VPS13D: variants seen among roughly 807,000 people sequenced by gnomAD.
The protein encoded by VPS13D is vacuolar protein sorting 13 homolog D.
Under a neutral mutation model 461.9 loss-of-function variants are expected in VPS13D, and 187 were observed. The observed-to-expected ratio is 0.40, with a 90% CI of 0.36 to 0.46. The LOEUF is 0.46. Ranked by LOEUF, VPS13D falls within the 20% of genes least tolerant of loss-of-function variation. The pLI is 0.60. For missense variants in VPS13D, 4,711 were observed against 5,364.9 expected, an observed-to-expected ratio of 0.88 and a Z score of 3.81; for synonymous variants, 1,951 against 1,986.3, an observed-to-expected ratio of 0.98 and a Z score of 0.47.
chr1:12,480,617 C>T (rs549270207), intron 67 of VPS13D, among the ~76,000 whole-genome samples: 1 of 152,258 alleles, frequency 6.6e-6, no homozygotes, highest in Admixed American at 6.5e-5. Flanking sequence ...AATGGAGTAC[C>T]TGTTTGAGGG....
At chr1:12,273,678 C>T (rs994262573) in intron 18 of VPS13D, among the ~76,000 whole-genome samples, 3 of 152,100 alleles carry the variant, frequency 2.0e-5, no homozygotes, top group South Asian at 2.1e-4. Context: ...CTGGCTTTTT[C>T]GTTTAGCATG....
rs921210083 is a variant in VPS13D, at chr1:12,318,354, G to A, written c.7414+17G>A. ...ATGTAACAGGTGATTATATGTGGGT[G>A]TGATTCATTGGTGCTTAGTTTGGAT... On this transcript the variant is annotated intron_variant, in intron 31 of 69. Transcript: ENST00000620676. 3.8e-6 allele frequency: 6 copies of A among 1,596,604 alleles called. No homozygotes were observed. The highest frequency in any genetic ancestry group is 4.3e-6 in the Non-Finnish European group (5 of 1,167,360).
Position 12,290,678 on chromosome 1 carries a change from G to A in VPS13D, c.5726-320G>A, listed in dbSNP as rs368873028. On this transcript the variant is annotated intron_variant, in intron 22 of 69. Coordinates refer to ENST00000620676, the MANE Select transcript of VPS13D (RefSeq NM_015378.4). Reference sequence around the variant, plus strand: ...GCAGAACTTGCAGTGACCCCAGATCGCGCCACTGTACTCCAGCCTGGGCGA... The same window carrying A: ...GCAGAACTTGCAGTGACCCCAGATCACGCCACTGTACTCCAGCCTGGGCGA... Among the ~76,000 whole-genome samples, 48 of 150,824 alleles carry A rather than the reference G, an allele frequency of 3.2e-4. 3 individuals carry two copies. The highest frequency in any genetic ancestry group is 2.2e-3 in the Admixed American group (34 of 15,174).
At chr1:12,446,002 A>G (rs138080789) in intron 65 of VPS13D, among the ~76,000 whole-genome samples, 32 of 152,326 alleles carry the variant, frequency 2.1e-4, no homozygotes, top group African/African-American at 7.5e-4. Flanking sequence ...AGCTTTCCCA[A>G]AATGCAGGTC....
intron 1 of VPS13D, among the ~76,000 whole-genome samples, chr1:12,233,673 G>A (rs992193095): frequency 6.6e-6 from 1 of 152,216 alleles, no homozygotes; most frequent in Non-Finnish European, 1.5e-5. Flanking sequence ...ATTCCCTGAA[G>A]CAGCATCAGA....
intron 25 of VPS13D, among the ~76,000 whole-genome samples, chr1:12,304,223 T>G (rs978609022): frequency 2.6e-5 from 4 of 152,260 alleles, no homozygotes; most frequent in African/African-American, 9.6e-5. Flanking sequence ...ATCTTCACAT[T>G]TGCTCTTGAG....
chr1:12,361,395 A>ATTTTTTTT (rs796776170), intron 50 of VPS13D, among the ~76,000 whole-genome samples: 8 of 133,368 alleles, frequency 6.0e-5, no homozygotes, highest in African/African-American at 2.1e-4. Flanking sequence ...TTATTTATTT[A>ATTTTTTTT]TTTATTTATT....
At chr1:12,393,584 C>T (rs117724710) in intron 60 of VPS13D, among the ~76,000 whole-genome samples, 3,593 of 152,316 alleles carry the variant, frequency 0.024, 119 homozygotes, top group Admixed American at 0.1. Context: ...GTCTTCTGCA[C>T]GGGCCAAATG....
intron 65 of VPS13D, among the ~76,000 whole-genome samples, chr1:12,455,408 C>T (rs1247421235): frequency 6.6e-6 from 1 of 152,198 alleles, no homozygotes; most frequent in Non-Finnish European, 1.5e-5. Flanking sequence ...ACTTCTCCCT[C>T]AAGACTATTT....
chr1:12,249,352 T>C lies in VPS13D; in HGVS notation c.564+13T>C, dbSNP rs1200960493. On this transcript the variant is annotated intron_variant, in intron 6 of 69. Coordinates refer to ENST00000620676, the MANE Select transcript of VPS13D (RefSeq NM_015378.4). The stretch of plus-strand genomic sequence containing the variant: ...TGTGAATGAGCCTGTGAGTATGAAA[T>C]GTGATGACAAAGCAGGAAGAAAGCC... 1.3e-6 allele frequency: 2 copies of C among 1,597,154 alleles called. No homozygotes were observed. Among genetic ancestry groups the C allele is most frequent in the Middle Eastern group, 1.7e-4 (1 of 6,012 alleles).
rs773555840 is a variant in VPS13D, at chr1:12,277,740, A to G, written c.4152A>G (p.Pro1384=). ...TCTTGAACATAAACATTGAATCACCAGTTGTTTCTATCCCTCGGAAGCCGG... is the reference window on the plus strand; with the variant it reads ...TCTTGAACATAAACATTGAATCACCGGTTGTTTCTATCCCTCGGAAGCCGG... ...KLILNINIES[P]VVSIPRKPGS... Residue 1384 remains proline, a synonymous_variant, in exon 19 of 70, where the codon CCA becomes CCG. Transcript: ENST00000620676. The G allele has an allele frequency of 3.7e-6, 6 of 1,614,102 alleles. No individual in the cohort carries two copies. The highest frequency in any genetic ancestry group is 5.1e-6 in the Non-Finnish European group (6 of 1,180,042).
At chr1:12,358,359 G>T in intron 49 of VPS13D, 100 bp from the exon 50 acceptor site, 1 of 1,469,086 alleles carries the variant, frequency 6.8e-7, no homozygotes, top group Non-Finnish European at 9.2e-7. Flanking sequence ...TGGTAGAGAT[G>T]GAACTTGGGT....
intron 13 of VPS13D, among the ~76,000 whole-genome samples, chr1:12,262,469 A>G (rs572561900): frequency 6.6e-6 from 1 of 152,296 alleles, no homozygotes; most frequent in East Asian, 1.9e-4. Flanking sequence ...GGCTAGAGAT[A>G]GGTAGTATGA....
At chr1:12,272,976 T>C (rs1472177407) in intron 17 of VPS13D, 27 bp from the exon 18 acceptor site, 24 of 1,607,864 alleles carry the variant, frequency 1.5e-5, no homozygotes, top group Non-Finnish European at 2.0e-5. Context: ...TCGGCAGTTA[T>C]GGTTAATGAC....
intron 66 of VPS13D, among the ~76,000 whole-genome samples, chr1:12,457,204 AG>A (rs1210869423): frequency 6.6e-6 from 1 of 152,220 alleles, no homozygotes; most frequent in Admixed American, 6.5e-5. Flanking sequence ...ACCATCCTTC[AG>A]CCATGCTGCA....
In VPS13D at chr1:12,400,230, C is replaced by T; in HGVS notation, c.11684C>T (p.Thr3895Ile). 1 of 1,614,144 alleles carries T rather than the reference C, an allele frequency of 6.2e-7. No individual in the cohort carries two copies. The stretch of plus-strand genomic sequence containing the variant: ...ACGCAGCCCTTCATGCTCTATGTGA[C>T]TCCCCTGAGCAATGAGAATGAGGTC... ...GTTQPFMLYV[T>I]PLSNENEVIE... Residue 3895 changes from threonine to isoleucine, a missense_variant, in exon 61 of 70, where the codon ACT (threonine) becomes ATT (isoleucine). Thr to Ile is a moderately conservative substitution (Grantham distance 89, BLOSUM62 -1). This residue lies in a region of VPS13D where 4,411 missense variants were observed against 4,937.8 expected (regional missense o/e 0.89). Coordinates refer to ENST00000620676, the MANE Select transcript of VPS13D (RefSeq NM_015378.4).
At chr1:12,312,334 G>A (rs1344574469) in intron 29 of VPS13D, among the ~76,000 whole-genome samples, 3 of 152,200 alleles carry the variant, frequency 2.0e-5, no homozygotes, top group African/African-American at 7.2e-5. Context: ...AGACTTTGTG[G>A]AACTAAAATA....
At position 12,369,573 on chromosome 1, in the gene VPS13D, C is replaced by G. The variant is rs1311803388; in HGVS notation, c.10679C>G (p.Pro3560Arg). The change falls in exon 54 of 70, where the codon CCT (proline) becomes CGT (arginine). Residue 3560 changes from proline to arginine, a missense_variant. Pro to Arg is a moderately radical substitution (Grantham distance 103, BLOSUM62 -2). Around this residue, in one of 3 missense-constraint regions of VPS13D, gnomAD observed 4,411 missense variants for 4,937.8 expected, o/e 0.89. Coordinates refer to ENST00000620676, the MANE Select transcript of VPS13D (RefSeq NM_015378.4). ...DYAWDEPTLP[P>R]FITLTVKGAG... ...GCCTGGGACGAACCCACCTTGCCACCTTTTATCACTCTGACTGTTAAAGGG... is the reference window on the plus strand; with the variant it reads ...GCCTGGGACGAACCCACCTTGCCACGTTTTATCACTCTGACTGTTAAAGGG... 1 of 1,614,066 alleles carries G rather than the reference C, an allele frequency of 6.2e-7. No homozygotes were observed. Among genetic ancestry groups the G allele is most frequent in the African/African-American group, 1.3e-5 (1 of 74,914 alleles).
At chr1:12,362,681 T>G (rs1643968623) in intron 50 of VPS13D, 39 bp from the exon 51 acceptor site, 1 of 1,599,598 alleles carries the variant, frequency 6.3e-7, no homozygotes, top group Non-Finnish European at 8.5e-7. Context: ...TTTTCTCTCT[T>G]CATGGTTAAC....
Sources: gnomAD v4.1 joint callset for allele counts (sites outside exome capture counted in the v4.1 genomes callset) on GRCh38, gnomAD v4.1.1 for gene constraint, gnomAD v4.1.1 regional missense constraint, MANE v1.5 for transcripts, NCBI Gene and HGNC (gene_info 2026-07-23, HGNC 2026-07-21) for gene names.